Variants in MSRA observed in about 807,000 individuals in gnomAD.
MSRA encodes methionine sulfoxide reductase A, also known as mitochondrial peptide methionine sulfoxide reductase.
Under a neutral mutation model 31.3 loss-of-function variants are expected in MSRA, and 54 were observed. That is an observed-to-expected ratio of 1.73 (90% CI 1.39 to 2.17). The LOEUF is 2.17. MSRA is among the 30% of genes most tolerant of loss of function. The pLI, the probability that MSRA is intolerant of heterozygous loss-of-function variation, is 0.00. For synonymous variants in MSRA, 169 were observed against 116.5 expected, an observed-to-expected ratio of 1.45 and a Z score of -2.90; for missense variants, 507 against 300.9, an observed-to-expected ratio of 1.69 and a Z score of -5.07.
chr8:10,076,777 C>T (rs1030392403), intron 1 of MSRA, among the ~76,000 whole-genome samples: 1 of 152,048 alleles, frequency 6.6e-6, no homozygotes, highest in Non-Finnish European at 1.5e-5. Flanking sequence ...GCAAGTGTCT[C>T]CACCCAGCTC....
chr8:10,282,656 G>C (rs935312288), intron 3 of MSRA, among the ~76,000 whole-genome samples: 1 of 152,174 alleles, frequency 6.6e-6, no homozygotes, highest in Non-Finnish European at 1.5e-5. Context: ...TATGAGCTGA[G>C]CATAAAGCAG....
intron 5 of MSRA, among the ~76,000 whole-genome samples, chr8:10,369,146 G>T (rs1284344191): frequency 1.3e-5 from 2 of 151,878 alleles, no homozygotes; most frequent in African/African-American, 4.8e-5. Flanking sequence ...AGTATTTAAG[G>T]ATGAAGTATT....
intron 3 of MSRA, among the ~76,000 whole-genome samples, chr8:10,282,608 A>G (rs1799681214): frequency 6.6e-6 from 1 of 152,124 alleles, no homozygotes; most frequent in South Asian, 2.1e-4. Flanking sequence ...AGATACCATT[A>G]CCTTCTCGTC....
At chr8:10,347,249 T>C (rs544592862) in intron 5 of MSRA, among the ~76,000 whole-genome samples, 1 of 152,310 alleles carries the variant, frequency 6.6e-6, no homozygotes, top group East Asian at 1.9e-4. Flanking sequence ...ATTAAACAAA[T>C]GATTGATGAA....
intron 5 of MSRA, among the ~76,000 whole-genome samples, chr8:10,425,409 G>T (rs973901872): frequency 1.3e-5 from 2 of 152,220 alleles, no homozygotes. Flanking sequence ...GGCTCCCCAA[G>T]GGGGTCCCTG....
At chr8:10,417,774 G>GTGTGTGTGTGTGTGTC (rs1554557636) in intron 5 of MSRA, among the ~76,000 whole-genome samples, 2 of 151,266 alleles carry the variant, frequency 1.3e-5, no homozygotes, top group African/African-American at 4.9e-5. Context: ...GTGTGTGTGT[G>GTGTGTGTGTGTGTGTC]TGTGTCTGTG....
intron 5 of MSRA, among the ~76,000 whole-genome samples, chr8:10,373,369 T>A (rs1805582763): frequency 6.6e-6 from 1 of 152,260 alleles, no homozygotes; most frequent in Admixed American, 6.5e-5. Context: ...GTGGTTTTTT[T>A]CTCTTTTTAG....
At chr8:10,363,108 T>C (rs1804949687) in intron 5 of MSRA, among the ~76,000 whole-genome samples, 1 of 152,164 alleles carries the variant, frequency 6.6e-6, no homozygotes, top group Non-Finnish European at 1.5e-5. Flanking sequence ...CCCCCAGAAA[T>C]GTCCACTCTT....
chr8:10,133,058 A>T (rs1802014114), intron 1 of MSRA, among the ~76,000 whole-genome samples: 1 of 152,220 alleles, frequency 6.6e-6, no homozygotes, highest in Admixed American at 6.5e-5. Context: ...GCCTACAGCC[A>T]TCCAACTCTT....
intron 1 of MSRA, among the ~76,000 whole-genome samples, chr8:10,127,648 A>G (rs1271651379): frequency 1.3e-5 from 2 of 152,220 alleles, no homozygotes; most frequent in African/African-American, 4.8e-5. Flanking sequence ...ATCAATGGAT[A>G]TTTGATATTG....
intron 4 of MSRA, among the ~76,000 whole-genome samples, chr8:10,309,046 A>G (rs1019692319): frequency 1.3e-5 from 2 of 152,232 alleles, no homozygotes; most frequent in Non-Finnish European, 1.5e-5. Flanking sequence ...TCAGCTGAAG[A>G]TATCGTCCTC....
intron 5 of MSRA, among the ~76,000 whole-genome samples, chr8:10,416,809 G>C (rs751150954): frequency 1.3e-5 from 2 of 152,236 alleles, no homozygotes; most frequent in African/African-American, 4.8e-5. Context: ...AGCAAGGGCA[G>C]AGCTGTGGAG....
chr8:10,167,709 C>T (rs73191544), intron 1 of MSRA, among the ~76,000 whole-genome samples: 172 of 152,206 alleles, frequency 1.1e-3, no homozygotes, highest in Non-Finnish European at 1.9e-3. Context: ...ATCTTAGGGA[C>T]GGCTGAACGT....
intron 1 of MSRA, among the ~76,000 whole-genome samples, chr8:10,085,661 G>C (rs377723056): frequency 6.6e-6 from 1 of 152,288 alleles, no homozygotes; most frequent in South Asian, 2.1e-4. Flanking sequence ...TTTTTAACAA[G>C]TTTGTACAGT....
At chr8:10,143,792 G>C (rs368801993) in intron 1 of MSRA, among the ~76,000 whole-genome samples, 2 of 152,176 alleles carry the variant, frequency 1.3e-5, no homozygotes, top group East Asian at 3.9e-4. Flanking sequence ...TGACTCTTCA[G>C]ATACATATCC....
chr8:10,246,209 A>G (rs765198162), intron 3 of MSRA, among the ~76,000 whole-genome samples: 15 of 152,332 alleles, frequency 9.8e-5, no homozygotes, highest in Non-Finnish European at 2.2e-4. Context: ...GCAACCAACT[A>G]TGTGGTCTGC....
At chr8:10,114,933 A>T (rs1266419244) in intron 1 of MSRA, among the ~76,000 whole-genome samples, 1 of 152,190 alleles carries the variant, frequency 6.6e-6, no homozygotes, top group Non-Finnish European at 1.5e-5. Context: ...AACACTCAAG[A>T]TATATTTGGG....
chr8:10,062,601 G>A (rs1285453301), intron 1 of MSRA, among the ~76,000 whole-genome samples: 2 of 152,166 alleles, frequency 1.3e-5, no homozygotes, highest in Non-Finnish European at 2.9e-5. Context: ...ACAGACACAC[G>A]CATGTTATGT....
In MSRA at chr8:10,388,407, G is replaced by A. The variant is rs567520731; in HGVS notation, c.544-39741G>A. 1.4e-4 allele frequency among the ~76,000 whole-genome samples: 21 copies of A among 152,304 alleles called. No individual in the cohort carries two copies. In the South Asian group the frequency reaches 1.5e-3, roughly 11 times the overall value. On this transcript the variant is annotated intron_variant, in intron 5 of 5. Transcript: ENST00000317173. ...TCTGTAGATGTAAAATTTCCCTTAC[G>A]AAAGGGTAACTTCTCTGTTTTCAGA...
Sources: allele counts gnomAD v4.1 joint callset (sites outside exome capture counted in the v4.1 genomes callset), GRCh38; gene constraint gnomAD v4.1.1; transcripts MANE v1.5; gene names NCBI Gene and HGNC (gene_info 2026-07-23, HGNC 2026-07-21).